ANHX: variants seen among roughly 807,000 people sequenced by gnomAD.
ANHX encodes anomalous homeobox.
In ANHX, 20 loss-of-function variants were observed where a neutral mutation model predicts 38.9. That is an observed-to-expected ratio of 0.51 (90% CI 0.36 to 0.75). The LOEUF (loss-of-function observed/expected upper bound fraction) is 0.75, where lower values mean the gene tolerates loss of function less well. ANHX is among the 30% of genes least tolerant of loss of function. ANHX has a pLI of 0.00. For synonymous variants in ANHX, 185 were observed against 203.1 expected, an observed-to-expected ratio of 0.91 and a Z score of 0.76; for missense variants, 475 against 493.1, an observed-to-expected ratio of 0.96 and a Z score of 0.35.
chr12:133,225,125 C>T (rs568144571), intron 7 of ANHX, among the ~76,000 whole-genome samples: 3 of 152,174 alleles, frequency 2.0e-5, no homozygotes, highest in South Asian at 2.1e-4. Flanking sequence ...ACAGCTTCAA[C>T]GATAACTTAG....
intron 5 of ANHX, among the ~76,000 whole-genome samples, 192 bp downstream of exon 5, chr12:133,226,744 G>A (rs987674901): frequency 6.6e-6 from 1 of 152,180 alleles, no homozygotes; most frequent in Non-Finnish European, 1.5e-5. Context: ...ATGCATAGGG[G>A]CAGCCACAGC....
In ANHX at chr12:133,221,063, T is replaced by G. The variant is rs147515371; in HGVS notation, c.1280+142A>C. 0.72 allele frequency: 807,268 copies of G among 1,119,718 alleles called. 293,404 individuals are homozygous for G. Among genetic ancestry groups the G allele is most frequent in the East Asian group, 0.92 (33,764 of 36,686 alleles). 69.4% of individuals were successfully genotyped at this position (1,119,718 alleles called of 1,614,324 possible). ...CCTTTTCTTCATAGGTGTAGGCTTG[T>G]GGGGACTGTTACAGTTTTCAGCAAT... On this transcript the variant is annotated intron_variant, in intron 8 of 9. Coordinates refer to ENST00000545940, the MANE Select transcript of ANHX (RefSeq NM_001372060.1). The surrounding 1 kb of genome is among the most constrained non-coding windows in gnomAD (Gnocchi z 4.1).
rs948731144 is a variant in ANHX at position 133,221,215 on chromosome 12, G to A, written c.1270C>T (p.Leu424Phe). 19 of 1,536,090 alleles carry A rather than the reference G, an allele frequency of 1.2e-5. No individual in the cohort carries two copies. The highest frequency in any genetic ancestry group is 1.6e-5 in the Non-Finnish European group (18 of 1,146,894). ...QPPLQAPEFI[L>F]TQSPPELAPA... ...CTCTTCAGGGCTTACCTCTGGGTGA[G>A]GATGAATTCAGGAGCTTGCAGTGGG... Residue 424 changes from leucine to phenylalanine, a missense_variant, in exon 8 of 10, where the codon CTC becomes TTC. By Grantham distance (22) the Leu-to-Phe change is conservative. Coordinates refer to ENST00000545940, the MANE Select transcript of ANHX (RefSeq NM_001372060.1). This position sits in a 1 kb window ranked among gnomAD's most constrained non-coding sequence, Gnocchi z 4.1.
intron 1 of ANHX, 190 bp from the exon 2 acceptor site, chr12:133,234,568 C>G: frequency 1.6e-6 from 1 of 638,406 alleles, no homozygotes; most frequent in East Asian, 2.9e-5. Flanking sequence ...GAATTTCCTT[C>G]TAATCCCCCA....
Position 133,227,862 on chromosome 12 carries a change from C to T in ANHX, c.463G>A (p.Ala155Thr), listed in dbSNP as rs745541726. ...CTGGGGTTGGTGTTCACCCCCACAG[C>T]GAAATTGTGCAGCTTCTCACGAACC... ...REVREKLHNF[A>T]VGVNTNPSKA... is the part of the protein sequence containing the mutation. Residue 155 changes from alanine (A) to threonine (T), a missense_variant, in exon 4 of 10, where the codon GCT becomes ACT. Coordinates refer to ENST00000545940, the MANE Select transcript of ANHX (RefSeq NM_001372060.1). 96 of 1,534,118 alleles carry T rather than the reference C, an allele frequency of 6.3e-5. No individual in the cohort carries two copies. The highest frequency in any genetic ancestry group is 7.4e-5 in the Non-Finnish European group (85 of 1,146,566).
intron 8 of ANHX, among the ~76,000 whole-genome samples, chr12:133,220,028 G>A (rs1302467227): frequency 6.6e-6 from 1 of 152,156 alleles, no homozygotes; most frequent in East Asian, 1.9e-4. Flanking sequence ...GTATTTACAT[G>A]AAATTCTATA....
chr12:133,224,884 G>A (rs867188415), intron 7 of ANHX, among the ~76,000 whole-genome samples: 16 of 144,726 alleles, frequency 1.1e-4, no homozygotes, highest in Admixed American at 6.2e-4. Flanking sequence ...GGAGAATGGC[G>A]TGAACCTGGG....
intron 2 of ANHX, among the ~76,000 whole-genome samples, chr12:133,232,086 T>G (rs1298664693): frequency 6.6e-6 from 1 of 152,202 alleles, no homozygotes; most frequent in Non-Finnish European, 1.5e-5. Flanking sequence ...TATAACCACA[T>G]GGTGCGATTT....
rs548082170 is a variant in ANHX, at chr12:133,221,886, T to C, written c.1133-534A>G. The stretch of plus-strand genomic sequence containing the variant: ...CTTAGACAAGCTACTGTGGTTTTGG[T>C]CAATTCTGGGTGGACATTTAGGAGA... On this transcript the variant is annotated intron_variant, in intron 7 of 9. Coordinates refer to ENST00000545940, the MANE Select transcript of ANHX (RefSeq NM_001372060.1). The surrounding 1 kb of genome is among the most constrained non-coding windows in gnomAD (Gnocchi z 4.1). Among the ~76,000 whole-genome samples the C allele has an allele frequency of 2.0e-5, 3 of 152,290 alleles. No individual in the cohort carries two copies. Among genetic ancestry groups the C allele is most frequent in the African/African-American group, 7.2e-5 (3 of 41,552 alleles).
At position 133,231,634 on chromosome 12, in the gene ANHX, A is replaced by G. The variant is rs1475182520; in HGVS notation, c.260T>C (p.Val87Ala). The part of the protein sequence containing the change: ...AACRLLEGCQ[V>A]PGGSQELVQL... ...CACTAACTCCTGGCTGCCTCCCGGC[A>G]CCTGGCACCCCTGCCAAGAAGAGTG... is the stretch of plus-strand genomic sequence containing the variant. Residue 87 changes from valine (V) to alanine (A), a missense_variant, in exon 3 of 10, where the codon GTG becomes GCG. Val to Ala is a moderately conservative substitution (Grantham distance 64, BLOSUM62 0). Transcript: ENST00000545940. The G allele has an allele frequency of 6.5e-7, 1 of 1,535,974 alleles. No homozygotes were observed. Among genetic ancestry groups the G allele is most frequent in the East Asian group, 2.4e-5 (1 of 40,912 alleles).
At chr12:133,225,274 T>C (rs1957174517) in intron 7 of ANHX, among the ~76,000 whole-genome samples, 1 of 151,808 alleles carries the variant, frequency 6.6e-6, no homozygotes, top group African/African-American at 2.4e-5. Flanking sequence ...GGGTGGCAGC[T>C]CTTTCCTTTC....
intron 5 of ANHX, 105 bp from the exon 6 acceptor site, chr12:133,226,543 G>A: frequency 7.1e-7 from 1 of 1,408,430 alleles, no homozygotes; most frequent in African/African-American, 1.4e-5. Context: ...CTGTTGCCAT[G>A]GGGCCATCCC....
chr12:133,219,412 A>G (rs1483110618), intron 8 of ANHX, 45 bp from the exon 9 acceptor site: 2 of 1,336,910 alleles, frequency 1.5e-6, no homozygotes, highest in South Asian at 1.5e-5. Context: ...TCAAGGGGAC[A>G]CTGGGGTGAC....
chr12:133,232,901 T>A (rs1478457065), intron 2 of ANHX, among the ~76,000 whole-genome samples: 1 of 151,996 alleles, frequency 6.6e-6, no homozygotes. Flanking sequence ...ACCTTCAGTG[T>A]AGTAAGGGAG....
At chr12:133,219,743 A>G (rs2135546232) in intron 8 of ANHX, among the ~76,000 whole-genome samples, 1 of 152,306 alleles carries the variant, frequency 6.6e-6, no homozygotes, top group Non-Finnish European at 1.5e-5. Context: ...AGCATGTGAC[A>G]TGGCCACGGC....
chr12:133,218,804 AG>A lies in ANHX; in HGVS notation c.*80del. The A allele has an allele frequency of 9.2e-7, 1 of 1,083,434 alleles. No homozygotes were observed. Among genetic ancestry groups the A allele is most frequent in the East Asian group, 2.8e-5 (1 of 35,622 alleles). 67.1% of individuals were successfully genotyped at this position (1,083,434 alleles called of 1,614,324 possible). ...GACCTTCATTTTGTATTCAGGATAA[AG>A]CTCTGTAACTCCTTGTGTTGACCAG... On this transcript the variant is annotated 3_prime_UTR_variant, in exon 10 of 10. Transcript: ENST00000545940.
chr12:133,223,201 T>C (rs546523241), intron 7 of ANHX, among the ~76,000 whole-genome samples: 2 of 150,002 alleles, frequency 1.3e-5, no homozygotes, highest in Non-Finnish European at 2.9e-5. Flanking sequence ...AAAAAAAATA[T>C]ATATATATAT....
chr12:133,230,605 T>C (rs1323667638), intron 3 of ANHX, among the ~76,000 whole-genome samples: 3 of 152,138 alleles, frequency 2.0e-5, no homozygotes, highest in African/African-American at 4.8e-5. Flanking sequence ...AGCAAGACCC[T>C]GTCTCTACAA....
intron 6 of ANHX, 34 bp downstream of exon 6, chr12:133,226,284 T>C: frequency 6.5e-7 from 1 of 1,536,114 alleles, no homozygotes; most frequent in Non-Finnish European, 8.7e-7. Flanking sequence ...ACTGAATAGG[T>C]GAGATGATTC....
Sources: gnomAD v4.1 joint callset for allele counts (sites outside exome capture counted in the v4.1 genomes callset) on GRCh38, gnomAD v4.1.1 for gene constraint, Gnocchi (gnomAD v3.1) non-coding constraint, MANE v1.5 for transcripts, NCBI Gene and HGNC (gene_info 2026-07-23, HGNC 2026-07-21) for gene names.